XRN2: variants seen among roughly 807,000 people sequenced by gnomAD.
The protein encoded by XRN2 is 5'-3' exoribonuclease 2.
Under a neutral mutation model 138.5 loss-of-function variants are expected in XRN2, and 44 were observed. The observed-to-expected ratio is 0.32, with a 90% CI of 0.25 to 0.41. XRN2 has a LOEUF of 0.41. XRN2 is among the 10% of genes least tolerant of loss of function. The pLI is 1.00. For synonymous variants in XRN2, 354 were observed against 369.4 expected (o/e 0.96, Z 0.48); for missense variants, 937 against 1,169.3 (o/e 0.80, Z 2.90).
chr20:21,303,531 C>T, intron 1 of XRN2, 58 bp downstream of exon 1: 1 of 1,507,336 alleles, frequency 6.6e-7, no homozygotes, highest in South Asian at 1.3e-5. Flanking sequence ...ACGTCTAGGC[C>T]GCGGCCCATG....
intron 28 of XRN2, 26 bp from the exon 29 acceptor site, chr20:21,386,842 G>C: frequency 1.2e-6 from 2 of 1,600,506 alleles, no homozygotes; most frequent in Non-Finnish European, 1.7e-6. Context: ...TGTGGCTTCT[G>C]ATGTAAAACT....
At chr20:21,364,072 C>T (rs2038667264) in intron 24 of XRN2, among the ~76,000 whole-genome samples, 1 of 152,146 alleles carries the variant, frequency 6.6e-6, no homozygotes, top group Non-Finnish European at 1.5e-5. Flanking sequence ...GCTGGGACTA[C>T]AGGCGCCCGC....
At chr20:21,349,069 C>G (rs942010984) in intron 19 of XRN2, among the ~76,000 whole-genome samples, 3 of 152,154 alleles carry the variant, frequency 2.0e-5, no homozygotes, top group Non-Finnish European at 2.9e-5. Context: ...GTTTTGTATG[C>G]TAGCTAGAAA....
intron 1 of XRN2, among the ~76,000 whole-genome samples, chr20:21,318,563 A>G (rs955584507): frequency 4.6e-5 from 7 of 151,858 alleles, no homozygotes; most frequent in East Asian, 1.9e-4. Flanking sequence ...TTCTGAAGAG[A>G]TATTTCTTAA....
chr20:21,370,511 T>C (rs1170068236), intron 27 of XRN2, among the ~76,000 whole-genome samples: 4 of 152,256 alleles, frequency 2.6e-5, no homozygotes, highest in Admixed American at 6.5e-5. Context: ...ATGGTAGATA[T>C]GGATCGTCAT....
chr20:21,309,897 A>G (rs1047235436), intron 1 of XRN2, among the ~76,000 whole-genome samples: 3 of 152,074 alleles, frequency 2.0e-5, no homozygotes, highest in Non-Finnish European at 4.4e-5. Flanking sequence ...CTGTTCTCAG[A>G]TAACTAGCTT....
chr20:21,333,453 G>T (rs952634211), intron 9 of XRN2, 91 bp from the exon 10 acceptor site: 3 of 1,251,272 alleles, frequency 2.4e-6, no homozygotes, highest in Admixed American at 1.7e-5. Flanking sequence ...AAAATGGATT[G>T]TGCGTTAGAA....
intron 29 of XRN2, among the ~76,000 whole-genome samples, chr20:21,387,614 G>C (rs1386497515): frequency 6.6e-6 from 1 of 152,176 alleles, no homozygotes; most frequent in African/African-American, 2.4e-5. Context: ...AGTTTTAGCA[G>C]CATTTAAGAC....
At chr20:21,354,562 A>T (rs1020655151) in intron 20 of XRN2, among the ~76,000 whole-genome samples, 2 of 152,238 alleles carry the variant, frequency 1.3e-5, no homozygotes, top group African/African-American at 4.8e-5. Flanking sequence ...ATGATTTTCC[A>T]TATAAGCCAT....
At chr20:21,346,666 C>G (rs1292887847) in intron 17 of XRN2, 116 bp downstream of exon 17, 21 of 1,311,786 alleles carry the variant, frequency 1.6e-5, no homozygotes, top group African/African-American at 3.0e-5. Flanking sequence ...GTCACCTGGG[C>G]GGGAGGGCAA....
chr20:21,356,599 C>G lies in XRN2; in HGVS notation c.2132C>G (p.Pro711Arg), dbSNP rs142667746. The part of the protein sequence containing the change: ...QTGSTEPVEV[P>R]PELCHGIQGK... ...ATTTTTCCACAGCCAGTGGAGGTAC[C>G]CCCTGAACTATGTCATGGGATTCAA... The change falls in exon 23 of 30, where the codon CCC (proline) becomes CGC (arginine). Residue 711 changes from proline (P) to arginine (R), a missense_variant. Coordinates refer to ENST00000377191, the MANE Select transcript of XRN2 (RefSeq NM_012255.5). The G allele has an allele frequency of 9.9e-6, 16 of 1,613,260 alleles. No homozygotes were observed. In the African/African-American group the frequency reaches 1.2e-4, roughly 12 times the overall value.
At chr20:21,322,859 T>C (rs369846650) in intron 1 of XRN2, among the ~76,000 whole-genome samples, 2 of 152,338 alleles carry the variant, frequency 1.3e-5, no homozygotes, top group Admixed American at 6.5e-5. Flanking sequence ...GCAGGCTTCC[T>C]ACTAGGCAGA....
intron 1 of XRN2, among the ~76,000 whole-genome samples, chr20:21,312,598 C>A (rs959600684): frequency 9.7e-5 from 10 of 103,086 alleles, no homozygotes; most frequent in Non-Finnish European, 1.9e-4. Flanking sequence ...AACCAAACCC[C>A]AAGATTTTTT....
intron 27 of XRN2, among the ~76,000 whole-genome samples, chr20:21,375,034 T>TC: frequency 7.1e-6 from 1 of 140,706 alleles, no homozygotes; most frequent in Non-Finnish European, 1.5e-5. Context: ...TTTTTTTTTT[T>TC]TGGTGGGAAT....
chr20:21,377,516 C>A (rs1257821571), intron 27 of XRN2, among the ~76,000 whole-genome samples: 1 of 151,068 alleles, frequency 6.6e-6, no homozygotes, highest in Non-Finnish European at 1.5e-5. Flanking sequence ...CCTCAGCCTC[C>A]CAAAGTGTTG....
chr20:21,335,546 T>C (rs1345508051), intron 13 of XRN2, among the ~76,000 whole-genome samples: 1 of 152,248 alleles, frequency 6.6e-6, no homozygotes, highest in East Asian at 1.9e-4. Context: ...TCCAAAAGCC[T>C]TCAGTACTTG....
intron 24 of XRN2, among the ~76,000 whole-genome samples, chr20:21,364,498 T>C (rs981486762): frequency 3.3e-5 from 5 of 152,120 alleles, no homozygotes; most frequent in Non-Finnish European, 5.9e-5. Flanking sequence ...AAAGCCTGAG[T>C]GTATAGCTTT....
intron 1 of XRN2, among the ~76,000 whole-genome samples, chr20:21,325,262 G>T (rs1043040057): frequency 6.6e-6 from 1 of 152,172 alleles, no homozygotes; most frequent in Non-Finnish European, 1.5e-5. Context: ...GTAAAAATTA[G>T]ATCTCATAGT....
chr20:21,341,110 G>GT (rs2038366730), intron 15 of XRN2, among the ~76,000 whole-genome samples: 1 of 152,192 alleles, frequency 6.6e-6, no homozygotes, highest in East Asian at 1.9e-4. Context: ...GGGTGACAGC[G>GT]TGAGACCCTG....
Sources: allele counts gnomAD v4.1 joint callset (sites outside exome capture counted in the v4.1 genomes callset), GRCh38; gene constraint gnomAD v4.1.1; transcripts MANE v1.5; gene names NCBI Gene and HGNC (gene_info 2026-07-23, HGNC 2026-07-21).